PI4K2A: variants seen among roughly 807,000 people sequenced by gnomAD.
PI4K2A encodes phosphatidylinositol 4-kinase type 2 alpha.
Under a neutral mutation model 55.0 loss-of-function variants are expected in PI4K2A, and 20 were observed. The observed-to-expected ratio is 0.36, with a 90% CI of 0.26 to 0.53. The LOEUF (loss-of-function observed/expected upper bound fraction) is 0.53, where lower values mean the gene tolerates loss of function less well. Among genes scored for constraint, PI4K2A ranks in the 20% least tolerant of loss-of-function variants. The probability of loss-of-function intolerance (pLI) is 0.91; values close to 1 mark genes in which losing one functional copy is unlikely to be tolerated. For synonymous variants in PI4K2A, 235 were observed against 258.5 expected, an observed-to-expected ratio of 0.91 and a Z score of 0.87; for missense variants, 463 against 637.1, an observed-to-expected ratio of 0.73 and a Z score of 2.94.
chr10:97,673,086 G>A (rs1032703151), intron 8 of PI4K2A, among the ~76,000 whole-genome samples: 17 of 151,538 alleles, frequency 1.1e-4, no homozygotes, highest in Admixed American at 9.9e-4. Context: ...TCCCGGGTTC[G>A]AGCAATTCTC....
intron 2 of PI4K2A, among the ~76,000 whole-genome samples, chr10:97,652,673 T>G (rs2041535096): frequency 6.6e-6 from 1 of 152,178 alleles, no homozygotes; most frequent in Admixed American, 6.5e-5. Flanking sequence ...GAAACTTCCC[T>G]TCCGTTTGAG....
At chr10:97,673,490 T>C in intron 8 of PI4K2A, 91 bp from the exon 9 acceptor site, 1 of 992,014 alleles carries the variant, frequency 1.0e-6, no homozygotes, top group East Asian at 2.6e-5. Context: ...AAAAAATTGA[T>C]TTGTAGGCGT....
intron 7 of PI4K2A, 55 bp downstream of exon 7, chr10:97,666,626 GTT>G: frequency 6.7e-7 from 1 of 1,499,622 alleles, no homozygotes; most frequent in Non-Finnish European, 9.1e-7. Context: ...ATTTTTAATG[GTT>G]TTTTTAATTG....
At chr10:97,667,211 C>A (rs978061883) in intron 8 of PI4K2A, 91 bp downstream of exon 8, 4 of 701,696 alleles carry the variant, frequency 5.7e-6, no homozygotes, top group Admixed American at 6.2e-5. Context: ...GTGTTTTATA[C>A]CCCCCCCTTT....
At chr10:97,642,775 A>C (rs1298278014) in intron 1 of PI4K2A, among the ~76,000 whole-genome samples, 1 of 151,686 alleles carries the variant, frequency 6.6e-6, no homozygotes, top group African/African-American at 2.4e-5. Context: ...TGAGGTTTAA[A>C]TGTCAGCCAG....
intron 1 of PI4K2A, among the ~76,000 whole-genome samples, chr10:97,642,876 T>C (rs766689397): frequency 0.033 from 3,994 of 122,846 alleles, 232 homozygotes; most frequent in African/African-American, 0.039. Flanking sequence ...TTTCTTTCTT[T>C]CTTTCTTTCT....
rs779206032 is a variant in PI4K2A at position 97,667,154 on chromosome 10, G to A, written c.1278+34G>A. 57 of 1,492,792 alleles carry A rather than the reference G, an allele frequency of 3.8e-5. No individual in the cohort carries two copies. In the Admixed American group the frequency reaches 5.9e-4, roughly 16 times the overall value. The allele number at this position is 1,492,792 out of a possible 1,614,324, so 92.5% of individuals were successfully genotyped here. Reference sequence around the variant, plus strand: ...GGGACATCCTCCCAGTATCTTTGGCGTCTCTGGGAGTGTTGTGTGCTCAGG... The same window carrying A: ...GGGACATCCTCCCAGTATCTTTGGCATCTCTGGGAGTGTTGTGTGCTCAGG... On this transcript the variant is annotated intron_variant, in intron 8 of 8. Transcript: ENST00000370631.
At chr10:97,643,031 C>T (rs561068959) in intron 1 of PI4K2A, among the ~76,000 whole-genome samples, 3 of 151,440 alleles carry the variant, frequency 2.0e-5, no homozygotes, top group Admixed American at 1.3e-4. Context: ...CTCTGACACC[C>T]AGGCTGGAGT....
chr10:97,642,890 TTCCTTCCTTCCTTCCTTC>T (rs2041484396), intron 1 of PI4K2A, among the ~76,000 whole-genome samples: 1 of 127,914 alleles, frequency 7.8e-6, no homozygotes, highest in Non-Finnish European at 1.7e-5. Context: ...TCTTTCTTCC[TTCCTTCCTTCCTTCCTTC>T]CTTCCTTCCT....
At chr10:97,651,052 T>C in exon 2 of PI4K2A, 1 of 1,614,142 alleles carries the variant, frequency 6.2e-7, no homozygotes, top group Non-Finnish European at 8.5e-7. Context: ...TGGCCGTGAC[T>C]GCCTTGTCCT....
At chr10:97,660,861 C>G (rs2041579152) in intron 4 of PI4K2A, among the ~76,000 whole-genome samples, 1 of 151,542 alleles carries the variant, frequency 6.6e-6, no homozygotes, top group Non-Finnish European at 1.5e-5. Flanking sequence ...TATAATAAAC[C>G]CCATGTACTT....
intron 8 of PI4K2A, among the ~76,000 whole-genome samples, chr10:97,673,021 C>G (rs1313062895): frequency 6.6e-6 from 1 of 150,594 alleles, no homozygotes; most frequent in African/African-American, 2.4e-5. Context: ...GTCTCTCACT[C>G]TGTTACCCAG....
intron 1 of PI4K2A, among the ~76,000 whole-genome samples, chr10:97,649,889 G>T (rs1564773715): frequency 6.6e-6 from 1 of 152,070 alleles, no homozygotes; most frequent in Non-Finnish European, 1.5e-5. Flanking sequence ...CTCCCAAAGT[G>T]CTGGGATTAC....
chr10:97,662,996 G>A (rs765278633), intron 5 of PI4K2A, 28 bp downstream of exon 5: 2 of 1,404,050 alleles, frequency 1.4e-6, no homozygotes, highest in Admixed American at 1.7e-5. Flanking sequence ...ATCTTAAAGA[G>A]AATGAAGAGT....
chr10:97,666,446 T>C (rs752036903), exon 7 of PI4K2A: 2 of 1,613,044 alleles, frequency 1.2e-6, no homozygotes. Flanking sequence ...AGATCCTTTT[T>C]ACTGGGCCTG....
chr10:97,668,197 G>C (rs2041618887), intron 8 of PI4K2A, among the ~76,000 whole-genome samples: 1 of 152,154 alleles, frequency 6.6e-6, no homozygotes, highest in South Asian at 2.1e-4. Flanking sequence ...TTGAAGCCTG[G>C]CTCTGCCATT....
chr10:97,665,748 A>G (rs1203778697), intron 6 of PI4K2A, among the ~76,000 whole-genome samples: 2 of 151,762 alleles, frequency 1.3e-5, no homozygotes, highest in Non-Finnish European at 2.9e-5. Flanking sequence ...ACCCGCCACC[A>G]TGCCCAGCTA....
At chr10:97,657,670 A>C (rs993365267) in intron 4 of PI4K2A, among the ~76,000 whole-genome samples, 1 of 148,730 alleles carries the variant, frequency 6.7e-6, no homozygotes, top group Non-Finnish European at 1.5e-5. Flanking sequence ...TCTGTTTCCA[A>C]AAAAAAAAAA....
intron 8 of PI4K2A, among the ~76,000 whole-genome samples, chr10:97,672,469 TC>T (rs1421424986): frequency 6.6e-6 from 1 of 152,176 alleles, no homozygotes; most frequent in Admixed American, 6.6e-5. Context: ...TAACACTGGT[TC>T]CTTTTCTGCT....
Sources: gnomAD v4.1 joint callset for allele counts (sites outside exome capture counted in the v4.1 genomes callset) on GRCh38, gnomAD v4.1.1 for gene constraint, MANE v1.5 for transcripts, NCBI Gene and HGNC (gene_info 2026-07-23, HGNC 2026-07-21) for gene names.